The following B4GALT1 variants were observed in gnomAD, a reference collection of about 807,000 sequenced individuals.
The protein encoded by B4GALT1 is N-acetyllactosamine synthase.
Under a neutral mutation model 34.9 loss-of-function variants are expected in B4GALT1, and 16 were observed. The ratio of observed to expected loss-of-function variants is 0.46; its 90% CI spans 0.31 to 0.70. The LOEUF (loss-of-function observed/expected upper bound fraction) is 0.70, where lower values mean the gene tolerates loss of function less well. Ranked by LOEUF, B4GALT1 falls within the 30% of genes least tolerant of loss-of-function variation. B4GALT1 has a pLI of 0.05. For synonymous variants in B4GALT1, 221 were observed against 218.1 expected (o/e 1.01, Z -0.12); for missense variants, 445 against 530.5 (o/e 0.84, Z 1.58).
upstream of B4GALT1, among the ~76,000 whole-genome samples, chr9:33,171,732 T>C (rs562926984): frequency 1.3e-4 from 20 of 152,156 alleles, no homozygotes; most frequent in South Asian, 4.2e-3. Context: ...TTTTAAAATT[T>C]TTAGTAGAGA....
chr9:33,183,349 G>A, the B4GALT1 span, among the ~76,000 whole-genome samples: 2 of 150,686 alleles, frequency 1.3e-5, no homozygotes, highest in Non-Finnish European at 3.0e-5. Flanking sequence ...GTTTATTGCG[G>A]CACTATTCAC....
At chr9:33,183,820 T>C in the B4GALT1 span, among the ~76,000 whole-genome samples, 104 of 152,068 alleles carry the variant, frequency 6.8e-4, no homozygotes, top group African/African-American at 2.4e-3. Context: ...ATATACACCA[T>C]GGAATACTAT....
intron 1 of B4GALT1, among the ~76,000 whole-genome samples, chr9:33,162,661 C>T (rs933971288): frequency 2.6e-5 from 4 of 152,204 alleles, no homozygotes; most frequent in African/African-American, 9.7e-5. Context: ...ACAATCCCAT[C>T]GTGGAATGCT....
At chr9:33,160,585 G>A (rs1377220300) in intron 1 of B4GALT1, among the ~76,000 whole-genome samples, 1 of 152,106 alleles carries the variant, frequency 6.6e-6, no homozygotes, top group Admixed American at 6.5e-5. Context: ...TAGGCAACAT[G>A]GCAAAACCCC....
intron 2 of B4GALT1, among the ~76,000 whole-genome samples, chr9:33,126,662 A>ATTGTTAACATTGTTAATTATTGTTAACC: frequency 2.2e-5 from 1 of 45,224 alleles, no homozygotes; most frequent in Non-Finnish European, 5.9e-5. Context: ...TAACCATAGC[A>ATTGTTAACATTGTTAATTATTGTTAACC]ATATGGTAGC....
chr9:33,171,547 C>T (rs1317895726), upstream of B4GALT1, among the ~76,000 whole-genome samples: 3 of 151,942 alleles, frequency 2.0e-5, no homozygotes, highest in African/African-American at 4.8e-5. Flanking sequence ...AAAACTGGCT[C>T]GGCCTCTTGT....
At chr9:33,154,264 C>T (rs1036642994) in intron 1 of B4GALT1, among the ~76,000 whole-genome samples, 1 of 152,124 alleles carries the variant, frequency 6.6e-6, no homozygotes, top group Non-Finnish European at 1.5e-5. Context: ...TCTCAACAGA[C>T]ACAGAAAAGC....
intron 1 of B4GALT1, among the ~76,000 whole-genome samples, chr9:33,152,693 G>C (rs931113616): frequency 3.3e-5 from 5 of 152,208 alleles, no homozygotes; most frequent in Non-Finnish European, 5.9e-5. Flanking sequence ...GGCCAACATG[G>C]TGAAACCCCA....
the B4GALT1 span, among the ~76,000 whole-genome samples, chr9:33,183,815 C>T: frequency 6.6e-6 from 1 of 151,916 alleles, no homozygotes; most frequent in East Asian, 1.9e-4. Context: ...GGCACATATA[C>T]ACCATGGAAT....
At chr9:33,147,481 G>A (rs4584234) in intron 1 of B4GALT1, among the ~76,000 whole-genome samples, 58,117 of 151,790 alleles carry the variant, frequency 0.38, 11,960 homozygotes, top group East Asian at 0.71. Context: ...TTCTGACCTC[G>A]GGTGATCTGC....
At chr9:33,172,056 A>G (rs376815037), upstream of B4GALT1, among the ~76,000 whole-genome samples, 1 of 152,354 alleles carries the variant, frequency 6.6e-6, no homozygotes, top group Non-Finnish European at 1.5e-5. Context: ...GTTACCGACC[A>G]AAGCGCAAAA....
Position 33,162,001 on chromosome 9 carries a change from A to C in B4GALT1, c.412+4757T>G, listed in dbSNP as rs530007888. On this transcript the variant is annotated intron_variant, in intron 1 of 5. Transcript: ENST00000379731. ...AAGTCTGGATGGTCCCTAGGGTGGA[A>C]TCTGTGGAAAGCTTGGACTGCCTTG... 1.7e-4 allele frequency among the ~76,000 whole-genome samples: 26 copies of C among 152,322 alleles called. 1 individual carries two copies. In the South Asian group the frequency reaches 5.4e-3, roughly 32 times the overall value.
At chr9:33,168,074 G>A (rs1199032373), upstream of B4GALT1, among the ~76,000 whole-genome samples, 1 of 152,190 alleles carries the variant, frequency 6.6e-6, no homozygotes, top group East Asian at 1.9e-4. Context: ...TAACTCCCAG[G>A]CCAGCGTGCA....
intron 2 of B4GALT1, among the ~76,000 whole-genome samples, chr9:33,130,909 A>G (rs543170073): frequency 1.3e-5 from 2 of 152,182 alleles, no homozygotes; most frequent in South Asian, 2.1e-4. Flanking sequence ...GGCAGAGGAA[A>G]CAGGCAGGAT....
At chr9:33,167,416 GT>G, upstream of B4GALT1, 2 of 214,968 alleles carry the variant, frequency 9.3e-6, no homozygotes, top group Non-Finnish European at 1.7e-5. Flanking sequence ...CGGGCGCGGG[GT>G]TTTCTGGACG....
In B4GALT1 at chr9:33,135,085, G is replaced by T. The variant is rs199678044; in HGVS notation, c.648+104C>A. The T allele has an allele frequency of 9.2e-6, 11 of 1,194,216 alleles. No homozygotes were observed. In the East Asian group the frequency reaches 1.5e-4, roughly 16 times the overall value. The allele number at this position is 1,194,216 out of a possible 1,614,324, so 74.0% of individuals were successfully genotyped here. ...GCTGGTTCCTCGCTGTAAGTGCCAG[G>T]TGTCTGTGAAATCACTCCCCTTCCC... On this transcript the variant is annotated intron_variant, in intron 2 of 5. Transcript: ENST00000379731.
chr9:33,119,048 G>C (rs1402138048), intron 3 of B4GALT1, among the ~76,000 whole-genome samples: 1 of 152,078 alleles, frequency 6.6e-6, no homozygotes, highest in African/African-American at 2.4e-5. Flanking sequence ...TTTTAGTAGA[G>C]ACAGGGTTTC....
At chr9:33,157,093 C>CACACACAT (rs1281725539) in intron 1 of B4GALT1, among the ~76,000 whole-genome samples, 1 of 137,312 alleles carries the variant, frequency 7.3e-6, no homozygotes, top group African/African-American at 2.8e-5. Context: ...CACACACACA[C>CACACACAT]ACACACACGG....
At chr9:33,183,974 C>T in the B4GALT1 span, among the ~76,000 whole-genome samples, 1 of 151,940 alleles carries the variant, frequency 6.6e-6, no homozygotes, top group African/African-American at 2.4e-5. Context: ...ACAATGAGAA[C>T]ACATGGACAC....
Sources: allele counts gnomAD v4.1 joint callset (sites outside exome capture counted in the v4.1 genomes callset), GRCh38; gene constraint gnomAD v4.1.1; transcripts MANE v1.5; gene names NCBI Gene and HGNC (gene_info 2026-07-23, HGNC 2026-07-21).